Variants in POLR3E observed in about 807,000 individuals in gnomAD.
POLR3E encodes the protein DNA-directed RNA polymerase III subunit RPC5.
POLR3E carries 41 observed loss-of-function variants against 96.6 expected under a neutral mutation model. The observed-to-expected ratio is 0.42, with a 90% CI of 0.33 to 0.55. The LOEUF is 0.55. Among genes scored for constraint, POLR3E ranks in the 20% least tolerant of loss-of-function variants. The pLI is 0.06. For missense variants in POLR3E, 849 were observed against 952.1 expected, an observed-to-expected ratio of 0.89 and a Z score of 1.43; for synonymous variants, 396 against 383.6, an observed-to-expected ratio of 1.03 and a Z score of -0.38.
At chr16:22,317,887 T>G (rs868415760) in intron 12 of POLR3E, among the ~76,000 whole-genome samples, 8 of 152,110 alleles carry the variant, frequency 5.3e-5, no homozygotes, top group Middle Eastern at 3.4e-3. Flanking sequence ...CCATAAGGAC[T>G]GGTCTCCTTT....
chr16:22,311,425 T>G (rs1298801722), intron 6 of POLR3E, among the ~76,000 whole-genome samples: 4 of 152,026 alleles, frequency 2.6e-5, no homozygotes, highest in Non-Finnish European at 2.9e-5. Flanking sequence ...TTTAGTCTTT[T>G]ATACTATACT....
rs558052686 is a variant in POLR3E at position 22,313,923 on chromosome 16, C to A, written c.473-156C>A. 6.7e-4 allele frequency among the ~76,000 whole-genome samples: 102 copies of A among 152,246 alleles called. No homozygotes were observed. The highest frequency in any genetic ancestry group is 2.3e-3 in the African/African-American group (95 of 41,540). On this transcript the variant is annotated intron_variant, in intron 7 of 20. Transcript: ENST00000299853. The surrounding 1 kb of genome is among the most constrained non-coding windows in gnomAD (Gnocchi z 4.1). ...GCCCAGTATCCCCAGGGTAAAGGGG[C>A]AAAACTGTCCCCGATTGAGAACCAC...
chr16:22,302,711 C>T (rs183791955), intron 1 of POLR3E: 90 of 543,870 alleles, frequency 1.7e-4, no homozygotes, highest in South Asian at 1.4e-3. Context: ...TTGGTCTACC[C>T]GCTTGCACCC....
chr16:22,302,714 T>C, intron 1 of POLR3E: 1 of 550,820 alleles, frequency 1.8e-6, no homozygotes, highest in South Asian at 2.2e-5. Context: ...GTCTACCCGC[T>C]TGCACCCGCT....
In POLR3E at chr16:22,333,904, G is replaced by C. The variant is rs1598283572; in HGVS notation, c.*204G>C. On this transcript the variant is annotated 3_prime_UTR_variant, in exon 21 of 21. Transcript: ENST00000299853. ...GCTTAAGTTAGTTAGATCACTCCCAGAAGAGACCAGCTGGGACCTTCTTTG... is the reference window on the plus strand; with the variant it reads ...GCTTAAGTTAGTTAGATCACTCCCACAAGAGACCAGCTGGGACCTTCTTTG... 1 of 483,032 alleles carries C rather than the reference G, an allele frequency of 2.1e-6. No homozygotes were observed. Among genetic ancestry groups the C allele is most frequent in the Non-Finnish European group, 3.7e-6 (1 of 269,522 alleles). 29.9% of individuals were successfully genotyped at this position (483,032 alleles called of 1,614,324 possible).
chr16:22,303,699 G>A (rs1326056182), intron 2 of POLR3E, among the ~76,000 whole-genome samples: 2 of 144,852 alleles, frequency 1.4e-5, no homozygotes, highest in Non-Finnish European at 3.0e-5. Flanking sequence ...GGAGTTCAGT[G>A]GTGCCATCTC....
chr16:22,325,460 G>A (rs1222059484), intron 17 of POLR3E, 194 bp downstream of exon 17: 10 of 623,254 alleles, frequency 1.6e-5, no homozygotes, highest in South Asian at 1.2e-4. Context: ...CCTCAGGGAC[G>A]GAGGCTTGCG....
intron 3 of POLR3E, among the ~76,000 whole-genome samples, chr16:22,307,591 G>A (rs1410837291): frequency 6.6e-6 from 1 of 152,206 alleles, no homozygotes; most frequent in Non-Finnish European, 1.5e-5. Context: ...AAAGATAAGA[G>A]CGGGCCATGG....
rs574639940 is a variant in POLR3E, at chr16:22,330,579, C to T, written c.1945-1481C>T. ...ATACTTTGCTTAATTAAGCCTGGTT[C>T]CCGGGAAGCCTCTCCCTCTGCTTCT... On this transcript the variant is annotated intron_variant, in intron 19 of 20. Coordinates refer to ENST00000299853, the MANE Select transcript of POLR3E (RefSeq NM_018119.4). 2.4e-4 allele frequency among the ~76,000 whole-genome samples: 37 copies of T among 152,254 alleles called. 1 individual carries two copies. The highest frequency in any genetic ancestry group is 4.7e-4 in the Non-Finnish European group (32 of 68,010).
chr16:22,308,973 A>G lies in POLR3E; in HGVS notation c.214A>G (p.Ser72Gly). 1 of 1,614,086 alleles carries G rather than the reference A, an allele frequency of 6.2e-7. No individual in the cohort carries two copies. The highest frequency in any genetic ancestry group is 8.5e-7 in the Non-Finnish European group (1 of 1,179,980). The change falls in exon 5 of 21, where the codon AGC becomes GGC. Residue 72 changes from serine to glycine, a missense_variant. Coordinates refer to ENST00000299853, the MANE Select transcript of POLR3E (RefSeq NM_018119.4). Reference sequence around the variant, plus strand: ...CACCCTGAACCCCAACTATTGCCGCAGCAAAGGGGAGCAGATTGCGCTGAA... The same window carrying G: ...CACCCTGAACCCCAACTATTGCCGCGGCAAAGGGGAGCAGATTGCGCTGAA... ...IDTLNPNYCR[S>G]KGEQIALNVD...
chr16:22,330,858 A>G (rs1874566937), intron 19 of POLR3E, among the ~76,000 whole-genome samples: 1 of 152,190 alleles, frequency 6.6e-6, no homozygotes, highest in African/African-American at 2.4e-5. Context: ...TAATGTTTGC[A>G]GAAAGATGCA....
In POLR3E at chr16:22,316,705, G is replaced by A. The variant is rs1405432886; in HGVS notation, c.728+19G>A. 2.5e-6 allele frequency: 4 copies of A among 1,601,882 alleles called. No homozygotes were observed. The highest frequency in any genetic ancestry group is 4.5e-5 in the East Asian group (2 of 44,848). On this transcript the variant is annotated intron_variant, in intron 10 of 20. Coordinates refer to ENST00000299853, the MANE Select transcript of POLR3E (RefSeq NM_018119.4). ...CACCCAGGTGGGATGGGCTGGGCCA[G>A]CATGCAAACTGGATGCCTGCCCAGG...
chr16:22,302,131 TGTC>T (rs1177929604), intron 1 of POLR3E, among the ~76,000 whole-genome samples: 1 of 151,990 alleles, frequency 6.6e-6, no homozygotes, highest in Non-Finnish European at 1.5e-5. Context: ...TCCCCTCTGT[TGTC>T]ATGACTTGCC....
Position 22,313,603 on chromosome 16 carries a change from C to T in POLR3E, c.365-17C>T. 6.3e-7 allele frequency: 1 copy of T among 1,579,448 alleles called. No individual in the cohort carries two copies. The highest frequency in any genetic ancestry group is 8.7e-7 in the Non-Finnish European group (1 of 1,148,724). On this transcript the variant is annotated splice_polypyrimidine_tract_variant and intron_variant, in intron 6 of 20. Transcript: ENST00000299853. This position sits in a 1 kb window ranked among gnomAD's most constrained non-coding sequence, Gnocchi z 4.1. ...TGGGTTTCTAGAGTTGAGTCCAAGC[C>T]CTTCTTCCTCCGCCAGGTGAGCTCC...
chr16:22,332,849 G>A (rs967952315), intron 20 of POLR3E, among the ~76,000 whole-genome samples: 2 of 151,876 alleles, frequency 1.3e-5, no homozygotes, highest in African/African-American at 4.8e-5. Flanking sequence ...GCAACACTGA[G>A]AGACAGAAAA....
At chr16:22,331,897 G>C (rs12599277) in intron 19 of POLR3E, 163 bp from the exon 20 acceptor site, 11,258 of 638,446 alleles carry the variant, frequency 0.018, 553 homozygotes, top group East Asian at 0.14. Context: ...GTCTTGCTGG[G>C]TCTCTAGAGA....
intron 19 of POLR3E, among the ~76,000 whole-genome samples, chr16:22,329,348 G>T (rs1285823539): frequency 1.3e-5 from 2 of 152,190 alleles, no homozygotes; most frequent in Non-Finnish European, 2.9e-5. Context: ...GGTCACAGGT[G>T]TCCAGTGCCC....
At chr16:22,317,364 G>A (rs1043230919) in intron 12 of POLR3E, among the ~76,000 whole-genome samples, 158 bp downstream of exon 12, 2 of 152,240 alleles carry the variant, frequency 1.3e-5, no homozygotes, top group Admixed American at 6.5e-5. Flanking sequence ...GAAAGATAAC[G>A]CAGGACGGCA....
chr16:22,306,969 T>C (rs891236416), intron 3 of POLR3E, among the ~76,000 whole-genome samples: 13 of 152,212 alleles, frequency 8.5e-5, no homozygotes, highest in Non-Finnish European at 1.5e-4. Context: ...GGTTCACCCT[T>C]ATGGGCCGTG....
Sources: gnomAD v4.1 joint callset for allele counts (sites outside exome capture counted in the v4.1 genomes callset) on GRCh38, gnomAD v4.1.1 for gene constraint, Gnocchi (gnomAD v3.1) non-coding constraint, MANE v1.5 for transcripts, NCBI Gene and HGNC (gene_info 2026-07-23, HGNC 2026-07-21) for gene names.